The following LGI2 variants were observed in gnomAD, a reference collection of about 807,000 sequenced individuals.
The protein encoded by LGI2 is leucine rich repeat LGI family member 2.
Under a neutral mutation model 52.0 loss-of-function variants are expected in LGI2, and 30 were observed. The observed-to-expected ratio is 0.58, with a 90% CI of 0.43 to 0.78. LGI2 has a LOEUF of 0.78. Ranked by LOEUF, LGI2 falls within the 30% of genes least tolerant of loss-of-function variation. The probability of loss-of-function intolerance (pLI) is 0.00; values close to 1 mark genes in which losing one functional copy is unlikely to be tolerated. For missense variants in LGI2, 573 were observed against 692.5 expected (o/e 0.83, Z 1.94); for synonymous variants, 270 against 271.8 (o/e 0.99, Z 0.06).
intron 6 of LGI2, among the ~76,000 whole-genome samples, chr4:25,016,335 G>A (rs992536884): frequency 5.9e-5 from 9 of 152,216 alleles, no homozygotes; most frequent in Non-Finnish European, 1.0e-4. Flanking sequence ...TTGGTGTTTC[G>A]AGACCTCTGC....
At chr4:25,018,279 A>C in intron 5 of LGI2, 121 bp from the exon 6 acceptor site, 1 of 676,994 alleles carries the variant, frequency 1.5e-6, no homozygotes, top group Non-Finnish European at 2.3e-6. Flanking sequence ...CCCCCTAAAA[A>C]TGGAGTTTAA....
In LGI2 at chr4:25,004,301, G is replaced by A; in HGVS notation, c.821-33C>T. 1.3e-6 allele frequency: 2 copies of A among 1,565,590 alleles called. No individual in the cohort carries two copies. Among genetic ancestry groups the A allele is most frequent in the African/African-American group, 2.7e-5 (2 of 73,548 alleles). Reference sequence around the variant, plus strand: ...CCAAAATAAAGGAGAGGACATTAGTGCAACTACAGCTAAAAACGCATCTCC... The same window carrying A: ...CCAAAATAAAGGAGAGGACATTAGTACAACTACAGCTAAAAACGCATCTCC... On this transcript the variant is annotated intron_variant, in intron 7 of 7. Transcript: ENST00000382114. This position sits in a 1 kb window ranked among gnomAD's most constrained non-coding sequence, Gnocchi z 4.6.
intron 2 of LGI2, among the ~76,000 whole-genome samples, chr4:25,027,394 TAAAA>T (rs10615910): frequency 9.7e-5 from 14 of 144,394 alleles, no homozygotes; most frequent in Non-Finnish European, 1.4e-4. Context: ...TAACAATAGT[TAAAA>T]AAAAAAAAAA....
At chr4:25,007,626 T>C (rs1345704703) in intron 7 of LGI2, among the ~76,000 whole-genome samples, 1 of 127,774 alleles carries the variant, frequency 7.8e-6, no homozygotes, top group Non-Finnish European at 1.6e-5. Context: ...TGTGTGTGTG[T>C]AGGAAGAGGG....
chr4:24,992,308 G>A, the LGI2 span, among the ~76,000 whole-genome samples: 18 of 152,132 alleles, frequency 1.2e-4, no homozygotes, highest in African/African-American at 3.1e-4. Flanking sequence ...TTGTCCCACC[G>A]CCCCCCACCA....
chr4:25,011,362 G>A (rs556705601), intron 7 of LGI2, among the ~76,000 whole-genome samples: 8 of 152,258 alleles, frequency 5.3e-5, no homozygotes, highest in African/African-American at 7.2e-5. Flanking sequence ...AGCTCAGCAC[G>A]GGGAGGCCAG....
chr4:25,030,776 GC>G lies in LGI2; in HGVS notation c.-84del. The G allele has an allele frequency of 1.3e-6, 1 of 773,834 alleles. No individual in the cohort carries two copies. The highest frequency in any genetic ancestry group is 1.6e-6 in the Non-Finnish European group (1 of 629,258). The allele number at this position is 773,834 out of a possible 1,614,324, so 47.9% of individuals were successfully genotyped here. On this transcript the variant is annotated 5_prime_UTR_variant, in exon 1 of 8. Coordinates refer to ENST00000382114, the MANE Select transcript of LGI2 (RefSeq NM_018176.4). Reference sequence around the variant, plus strand: ...ACCCGGCGCCGCTGCAGACGCGGGCGCCGCTCGCTGCTCTGCCGCCGCCGCT... The same window carrying G: ...ACCCGGCGCCGCTGCAGACGCGGGCGCGCTCGCTGCTCTGCCGCCGCCGCT...
chr4:25,009,946 A>G (rs1426200424), intron 7 of LGI2, among the ~76,000 whole-genome samples: 1 of 152,106 alleles, frequency 6.6e-6, no homozygotes, highest in Non-Finnish European at 1.5e-5. Flanking sequence ...AGTTTTATCT[A>G]GTTTATTCAC....
At chr4:24,992,624 A>C in the LGI2 span, among the ~76,000 whole-genome samples, 6 of 152,214 alleles carry the variant, frequency 3.9e-5, no homozygotes, top group Non-Finnish European at 8.8e-5. Context: ...CGGAGGTTGC[A>C]GTGAGCCAAG....
In LGI2 at chr4:25,003,700, C is replaced by T; in HGVS notation, c.1389G>A (p.Gly463=). ...AAGAAAAGGGCTGCAGGGTCATGGC[C>T]CCCCGGGATGGAAGAGCTTGGATCT... ...FVEIQALPSR[G]AMTLQPFSFK... Residue 463 remains glycine, a synonymous_variant, in exon 8 of 8, where the codon GGG becomes GGA. Coordinates refer to ENST00000382114, the MANE Select transcript of LGI2 (RefSeq NM_018176.4). 1 of 1,614,170 alleles carries T rather than the reference C, an allele frequency of 6.2e-7. No homozygotes were observed. The highest frequency in any genetic ancestry group is 2.2e-5 in the East Asian group (1 of 44,882).
At chr4:24,993,323 C>T in the LGI2 span, among the ~76,000 whole-genome samples, 1 of 152,282 alleles carries the variant, frequency 6.6e-6, no homozygotes, top group African/African-American at 2.4e-5. Context: ...AGCTCTCAAC[C>T]TCTTTGTGCC....
chr4:24,997,512 T>C (rs958751379), downstream of LGI2, among the ~76,000 whole-genome samples: 2 of 152,190 alleles, frequency 1.3e-5, no homozygotes, highest in Non-Finnish European at 2.9e-5. Flanking sequence ...TAGGCCATTC[T>C]CTCCAAAATG....
chr4:25,008,381 C>T (rs1459977900), intron 7 of LGI2, among the ~76,000 whole-genome samples: 1 of 151,848 alleles, frequency 6.6e-6, no homozygotes, highest in Admixed American at 6.6e-5. Context: ...GGTGAAACCC[C>T]GTCTCTACTA....
Position 25,004,142 on chromosome 4 carries a change from T to C in LGI2, c.947A>G (p.Gln316Arg), listed in dbSNP as rs1205364400. 5 of 1,614,072 alleles carry C rather than the reference T, an allele frequency of 3.1e-6. No individual in the cohort carries two copies. Among genetic ancestry groups the C allele is most frequent in the Non-Finnish European group, 4.2e-6 (5 of 1,180,046 alleles). ...DESWTKFVKF[Q>R]DIEVSRISKP... is the part of the protein sequence containing the mutation. ...GGAAATGCGAGAGACCTCTATGTCT[T>C]GGAATTTGACAAATTTGGTCCAACT... is the stretch of plus-strand genomic sequence containing the variant. The change falls in exon 8 of 8, where the codon CAA becomes CGA. Residue 316 changes from glutamine to arginine, a missense_variant. Gln to Arg is a conservative substitution (Grantham distance 43, BLOSUM62 1). Transcript: ENST00000382114. The surrounding 1 kb of genome is among the most constrained non-coding windows in gnomAD (Gnocchi z 4.6).
At chr4:24,995,638 T>C (rs1233181691), downstream of LGI2, among the ~76,000 whole-genome samples, 1 of 152,186 alleles carries the variant, frequency 6.6e-6, no homozygotes, top group East Asian at 1.9e-4. Context: ...TTCTGGGACG[T>C]CATACACCAA....
chr4:25,006,346 A>C (rs4697521), intron 7 of LGI2, among the ~76,000 whole-genome samples: 43,263 of 151,718 alleles, frequency 0.29, 6,506 homozygotes, highest in Middle Eastern at 0.42. Context: ...CATCTAGATC[A>C]CTCCATTAAA....
chr4:25,008,280 C>A (rs1376220033), intron 7 of LGI2, among the ~76,000 whole-genome samples: 1 of 152,160 alleles, frequency 6.6e-6, no homozygotes, highest in Non-Finnish European at 1.5e-5. Flanking sequence ...TGGCCAGGCA[C>A]GTTGTCTCAC....
At chr4:25,026,331 G>C (rs1726150329) in intron 3 of LGI2, among the ~76,000 whole-genome samples, 1 of 150,546 alleles carries the variant, frequency 6.6e-6, no homozygotes, top group South Asian at 2.1e-4. Context: ...TGCGAGGGGA[G>C]AAATCTGCAC....
In LGI2 at chr4:25,024,851, C is replaced by T. The variant is rs1726091499; in HGVS notation, c.382G>A (p.Ala128Thr). 1.2e-6 allele frequency: 2 copies of T among 1,608,292 alleles called. No homozygotes were observed. The highest frequency in any genetic ancestry group is 1.7e-6 in the Non-Finnish European group (2 of 1,177,896). ...GNKIETISRNAFRGLRDLTHL... is the reference protein window; with the variant it reads ...GNKIETISRNTFRGLRDLTHL... Reference sequence around the variant, plus strand: ...GTCAGGTCACGGAGGCCACGAAAGGCATTTCTTGAAATGGTTTCTATTTTG... The same window carrying T: ...GTCAGGTCACGGAGGCCACGAAAGGTATTTCTTGAAATGGTTTCTATTTTG... The change falls in exon 4 of 8, where the codon GCC (alanine) becomes ACC (threonine). Residue 128 changes from alanine (A) to threonine (T), a missense_variant. Coordinates refer to ENST00000382114, the MANE Select transcript of LGI2 (RefSeq NM_018176.4).
Sources: gnomAD v4.1 joint callset for allele counts (sites outside exome capture counted in the v4.1 genomes callset) on GRCh38, gnomAD v4.1.1 for gene constraint, Gnocchi (gnomAD v3.1) non-coding constraint, MANE v1.5 for transcripts, NCBI Gene and HGNC (gene_info 2026-07-23, HGNC 2026-07-21) for gene names.